FARP2: variants seen among roughly 807,000 people sequenced by gnomAD.
FARP2 encodes FERM, ARH/RhoGEF and pleckstrin domain protein 2, also known as FERM, ARHGEF and pleckstrin domain-containing protein 2.
In FARP2, 111 loss-of-function variants were observed where a neutral mutation model predicts 130.5. The observed-to-expected ratio is 0.85, with a 90% CI of 0.73 to 1.00. The LOEUF is 1.00. FARP2 is among the 50% of genes least tolerant of loss of function. The pLI is 0.00. For missense variants in FARP2, 1,385 were observed against 1,346.3 expected, an observed-to-expected ratio of 1.03 and a Z score of -0.45; for synonymous variants, 504 against 516.9, an observed-to-expected ratio of 0.98 and a Z score of 0.34.
At chr2:241,438,434 A>G (rs550376264) in intron 12 of FARP2, among the ~76,000 whole-genome samples, 2 of 151,948 alleles carry the variant, frequency 1.3e-5, no homozygotes, top group East Asian at 3.9e-4. Flanking sequence ...GCACTGAACT[A>G]TAGTCCCAGC....
intron 12 of FARP2, among the ~76,000 whole-genome samples, 196 bp from the exon 13 acceptor site, chr2:241,441,108 C>T (rs1384915595): frequency 1.3e-5 from 2 of 152,120 alleles, no homozygotes; most frequent in Non-Finnish European, 2.9e-5. Context: ...TGTAAACAGA[C>T]GATCCTGGGT....
At chr2:241,412,889 A>G (rs1020620145) in intron 6 of FARP2, among the ~76,000 whole-genome samples, 1 of 152,162 alleles carries the variant, frequency 6.6e-6, no homozygotes, top group Non-Finnish European at 1.5e-5. Context: ...TTAGCTGGGC[A>G]TGATGGTGCT....
intron 2 of FARP2, among the ~76,000 whole-genome samples, chr2:241,382,290 CTATTTTTTT>C (rs1453495796): frequency 1.6e-5 from 2 of 127,198 alleles, no homozygotes; most frequent in African/African-American, 5.5e-5. Context: ...TGTACAAAAT[CTATTTTTTT>C]TTTTTTTTTT....
intron 2 of FARP2, among the ~76,000 whole-genome samples, chr2:241,392,633 C>T (rs2061934376): frequency 6.6e-6 from 1 of 152,092 alleles, no homozygotes; most frequent in African/African-American, 2.4e-5. Flanking sequence ...GATACAGAAC[C>T]CTTCCCTTAG....
At chr2:241,385,587 G>T (rs940039029) in intron 2 of FARP2, among the ~76,000 whole-genome samples, 1 of 152,032 alleles carries the variant, frequency 6.6e-6, no homozygotes. Flanking sequence ...AGGCATGGTG[G>T]CTCACGCCTG....
Position 241,399,715 on chromosome 2 carries a change from T to C in FARP2, c.184-4113T>C, listed in dbSNP as rs567944354. ...ACAGAAGGTTGTAATATTCAGGTAG[T>C]CGATATCAGTCTTTTGGGGGTGGGG... On this transcript the variant is annotated intron_variant, in intron 2 of 26. Coordinates refer to ENST00000264042, the MANE Select transcript of FARP2 (RefSeq NM_014808.4). Among the ~76,000 whole-genome samples the C allele has an allele frequency of 4.6e-5, 7 of 152,326 alleles. No individual in the cohort carries two copies. The South Asian group carries it at 8.3e-4, about 18-fold the overall frequency.
At chr2:241,377,063 A>ATTTTG (rs2061550768) in intron 2 of FARP2, among the ~76,000 whole-genome samples, 1 of 152,100 alleles carries the variant, frequency 6.6e-6, no homozygotes, top group Non-Finnish European at 1.5e-5. Flanking sequence ...CAGGAATTCA[A>ATTTTG]TTTTGTTTTG....
chr2:241,382,796 T>C (rs1342039020), intron 2 of FARP2, among the ~76,000 whole-genome samples: 1 of 152,226 alleles, frequency 6.6e-6, no homozygotes, highest in African/African-American at 2.4e-5. Context: ...ATTACAATTT[T>C]TAGTAACATC....
intron 5 of FARP2, among the ~76,000 whole-genome samples, chr2:241,409,077 T>TAGATAGAC (rs1489556837): frequency 1.3e-5 from 2 of 152,088 alleles, no homozygotes; most frequent in Non-Finnish European, 2.9e-5. Flanking sequence ...GATAGATAGA[T>TAGATAGAC]ACCTGAAAAT....
chr2:241,457,279 TCCTC>T (rs1041416504), intron 14 of FARP2, among the ~76,000 whole-genome samples: 5 of 149,310 alleles, frequency 3.3e-5, no homozygotes, highest in African/African-American at 1.3e-4. Context: ...CTCCCTCCCG[TCCTC>T]CCTCCTTTGC....
At chr2:241,365,843 T>C (rs2061291472) in intron 1 of FARP2, among the ~76,000 whole-genome samples, 2 of 151,970 alleles carry the variant, frequency 1.3e-5, no homozygotes, top group African/African-American at 4.8e-5. Context: ...TTTTGCTTTC[T>C]AATTATGTGA....
intron 8 of FARP2, among the ~76,000 whole-genome samples, chr2:241,425,588 A>G (rs957676699): frequency 2.0e-5 from 3 of 148,454 alleles, no homozygotes; most frequent in Non-Finnish European, 3.0e-5. Flanking sequence ...ATCCCTGAAT[A>G]GACTAGAAAT....
intron 2 of FARP2, among the ~76,000 whole-genome samples, chr2:241,402,590 TCTC>T (rs1177228398): frequency 6.6e-6 from 1 of 151,942 alleles, no homozygotes; most frequent in African/African-American, 2.4e-5. Context: ...TAGAGATTCT[TCTC>T]TGTTTGATTC....
At chr2:241,491,432 C>A in intron 23 of FARP2, 84 bp from the exon 24 acceptor site, 6 of 1,492,974 alleles carry the variant, frequency 4.0e-6, no homozygotes, top group Middle Eastern at 1.8e-4. Context: ...CCCAGGACCC[C>A]CGAGAGGAAC....
chr2:241,446,303 A>T (rs893636954), intron 13 of FARP2: 5 of 152,178 alleles, frequency 3.3e-5, no homozygotes, highest in Non-Finnish European at 7.4e-5. Context: ...TTTTTAAATT[A>T]GTACTGATGA....
At chr2:241,445,408 G>A (rs1010057946) in intron 13 of FARP2, 2 of 152,256 alleles carry the variant, frequency 1.3e-5, no homozygotes, top group African/African-American at 4.8e-5. Flanking sequence ...CCATAAGGAA[G>A]ACATTTCCCT....
intron 13 of FARP2, among the ~76,000 whole-genome samples, chr2:241,456,056 T>A (rs779136123): frequency 8.4e-4 from 128 of 152,118 alleles, no homozygotes; most frequent in Non-Finnish European, 1.6e-3. Flanking sequence ...AGGATTTTTT[T>A]ATTATAAAAT....
intron 19 of FARP2, among the ~76,000 whole-genome samples, chr2:241,480,668 G>T (rs1158728429): frequency 6.6e-6 from 1 of 151,678 alleles, no homozygotes; most frequent in Non-Finnish European, 1.5e-5. Flanking sequence ...CCTGAAAATA[G>T]CAAACAAAAC....
intron 21 of FARP2, among the ~76,000 whole-genome samples, chr2:241,485,317 T>TCCTGGGATCTTCCCTCATTC (rs1309394097): frequency 2.6e-5 from 3 of 116,526 alleles, no homozygotes. Context: ...GATCTTCCCT[T>TCCTGGGATCTTCCCTCATTC]CCTGGGATCT....
Sources: allele counts gnomAD v4.1 joint callset (sites outside exome capture counted in the v4.1 genomes callset), GRCh38; gene constraint gnomAD v4.1.1; transcripts MANE v1.5; gene names NCBI Gene and HGNC (gene_info 2026-07-23, HGNC 2026-07-21).